PID1: variants seen among roughly 807,000 people sequenced by gnomAD.
PID1 encodes the protein phosphotyrosine interaction domain containing 1.
In PID1, 10 loss-of-function variants were observed where a neutral mutation model predicts 19.1. The observed-to-expected ratio is 0.52, with a 90% confidence interval of 0.32 to 0.89. PID1 has a LOEUF of 0.89. Ranked by LOEUF, PID1 falls within the 40% of genes least tolerant of loss-of-function variation. PID1 has a pLI of 0.03. For missense variants in PID1, 248 were observed against 285.3 expected (o/e 0.87, Z 0.94); for synonymous variants, 130 against 116.0 (o/e 1.12, Z -0.78).
intron 1 of PID1, among the ~76,000 whole-genome samples, chr2:229,211,365 G>A (rs1463207940): frequency 6.6e-6 from 1 of 151,886 alleles, no homozygotes; most frequent in Non-Finnish European, 1.5e-5. Context: ...AACTGTTCTG[G>A]GGACAGTAGT....
chr2:229,178,356 C>T (rs1474621281), intron 1 of PID1, among the ~76,000 whole-genome samples: 5 of 152,108 alleles, frequency 3.3e-5, no homozygotes, highest in South Asian at 4.2e-4. Context: ...TCCTGGCAGG[C>T]GTTAGCAGTT....
chr2:229,084,361 G>A (rs570222401), intron 2 of PID1, among the ~76,000 whole-genome samples: 76 of 152,272 alleles, frequency 5.0e-4, no homozygotes, highest in African/African-American at 1.8e-3. Context: ...GCATATGCAT[G>A]GGGATACTTT....
At chr2:229,232,210 T>A in intron 1 of PID1, 7 of 1,195,346 alleles carry the variant, frequency 5.9e-6, no homozygotes, top group Non-Finnish European at 7.8e-6. Context: ...GATCATGAAG[T>A]CAGGAGATCA....
At chr2:229,030,833 G>A (rs1386679515) in intron 2 of PID1, among the ~76,000 whole-genome samples, 1 of 152,118 alleles carries the variant, frequency 6.6e-6, no homozygotes, top group Non-Finnish European at 1.5e-5. Flanking sequence ...GAGGTGTACT[G>A]GAGAGATGAG....
intron 2 of PID1, among the ~76,000 whole-genome samples, chr2:229,126,316 C>T (rs1442577208): frequency 6.6e-6 from 1 of 151,798 alleles, no homozygotes; most frequent in Non-Finnish European, 1.5e-5. Flanking sequence ...TCCCATTGTG[C>T]TACACAAAAA....
intron 1 of PID1, among the ~76,000 whole-genome samples, chr2:229,261,505 C>T (rs1238919231): frequency 6.6e-6 from 1 of 152,206 alleles, no homozygotes; most frequent in Non-Finnish European, 1.5e-5. Flanking sequence ...AGGCCCATTC[C>T]TGACGTGAAA....
At chr2:229,229,924 T>C (rs768577304) in intron 1 of PID1, among the ~76,000 whole-genome samples, 16 of 152,252 alleles carry the variant, frequency 1.1e-4, no homozygotes, top group Non-Finnish European at 8.8e-5. Flanking sequence ...AGATGTTTTA[T>C]TCAATAACTT....
chr2:229,255,656 C>A (rs1690272524), intron 1 of PID1, among the ~76,000 whole-genome samples: 1 of 152,136 alleles, frequency 6.6e-6, no homozygotes, highest in African/African-American at 2.4e-5. Context: ...CCAAAATAAT[C>A]CAATATCATA....
At chr2:229,058,454 C>A (rs750106825) in intron 2 of PID1, among the ~76,000 whole-genome samples, 3 of 152,166 alleles carry the variant, frequency 2.0e-5, no homozygotes, top group Admixed American at 6.5e-5. Context: ...ACAGGATTCT[C>A]TTCCGGCTAC....
chr2:229,213,264 C>A (rs1043138677), intron 1 of PID1, among the ~76,000 whole-genome samples: 1 of 152,092 alleles, frequency 6.6e-6, no homozygotes, highest in Non-Finnish European at 1.5e-5. Context: ...TAGGGCCCAG[C>A]ACACAGAGGA....
chr2:229,128,431 C>T (rs1695669399), intron 2 of PID1, among the ~76,000 whole-genome samples: 1 of 152,236 alleles, frequency 6.6e-6, no homozygotes, highest in African/African-American at 2.4e-5. Context: ...AAACTCCAAG[C>T]GTTTCAAGTT....
intron 2 of PID1, among the ~76,000 whole-genome samples, chr2:229,081,997 T>G (rs1694677309): frequency 6.6e-6 from 1 of 152,038 alleles, no homozygotes; most frequent in African/African-American, 2.4e-5. Flanking sequence ...GTCAAGAGAG[T>G]GAAACACAAA....
At chr2:229,068,260 G>A (rs548506761) in intron 2 of PID1, among the ~76,000 whole-genome samples, 28 of 152,270 alleles carry the variant, frequency 1.8e-4, no homozygotes, top group African/African-American at 6.5e-4. Flanking sequence ...GGGTGGCCTG[G>A]TGTGTTGGGA....
At chr2:229,076,506 C>T (rs564437883) in intron 2 of PID1, among the ~76,000 whole-genome samples, 5 of 152,118 alleles carry the variant, frequency 3.3e-5, no homozygotes, top group East Asian at 3.9e-4. Flanking sequence ...AACTCGTCAT[C>T]TACATTAGGT....
chr2:229,183,484 G>C (rs577481332), intron 1 of PID1, among the ~76,000 whole-genome samples: 4 of 152,176 alleles, frequency 2.6e-5, no homozygotes, highest in African/African-American at 9.7e-5. Context: ...TGAATTGGTA[G>C]ACTGAGTAAA....
intron 2 of PID1, among the ~76,000 whole-genome samples, chr2:229,150,032 G>C (rs1690216758): frequency 6.6e-6 from 1 of 152,016 alleles, no homozygotes; most frequent in Admixed American, 6.6e-5. Context: ...GAGGTCAGGA[G>C]TGCGAGACCA....
At chr2:229,228,476 C>T (rs941039325) in intron 1 of PID1, among the ~76,000 whole-genome samples, 7 of 151,960 alleles carry the variant, frequency 4.6e-5, no homozygotes, top group Admixed American at 6.6e-5. Context: ...ATGTAATATA[C>T]GTGTGTGGAA....
At chr2:229,110,218 A>T (rs1170197048) in intron 2 of PID1, among the ~76,000 whole-genome samples, 1 of 152,204 alleles carries the variant, frequency 6.6e-6, no homozygotes, top group East Asian at 1.9e-4. Flanking sequence ...TGTGCCATGG[A>T]TGTCCAAGCG....
In PID1 at chr2:229,024,385, C is replaced by T. The variant is rs1312877698; in HGVS notation, c.*1247G>A. ...GTATTTTAACAAATACAATTTCATT[C>T]TATGTTGACTCTGTGTTTATAATAT... On this transcript the variant is annotated 3_prime_UTR_variant, in exon 3 of 3. Transcript: ENST00000392055. 4 of 152,428 alleles carry T rather than the reference C, an allele frequency of 2.6e-5. No individual in the cohort carries two copies. Among genetic ancestry groups the T allele is most frequent in the Admixed American group, 6.5e-5 (1 of 15,276 alleles). The allele number at this position is 152,428 out of a possible 1,614,324, so 9.4% of individuals were successfully genotyped here.
Sources: gnomAD v4.1 joint callset for allele counts (sites outside exome capture counted in the v4.1 genomes callset) on GRCh38, gnomAD v4.1.1 for gene constraint, MANE v1.5 for transcripts, NCBI Gene and HGNC (gene_info 2026-07-23, HGNC 2026-07-21) for gene names.